The following MAPK14 variants were observed in gnomAD, a reference collection of about 807,000 sequenced individuals.
MAPK14 encodes CSAID-binding protein.
In MAPK14, 16 loss-of-function variants were observed where a neutral mutation model predicts 49.6. The ratio of observed to expected loss-of-function variants is 0.32; its 90% confidence interval spans 0.22 to 0.49. The LOEUF is 0.49. Among genes scored for constraint, MAPK14 ranks in the 20% least tolerant of loss-of-function variants. The pLI is 0.99. For synonymous variants in MAPK14, 142 were observed against 158.0 expected, an observed-to-expected ratio of 0.90 and a Z score of 0.76; for missense variants, 200 against 441.2, an observed-to-expected ratio of 0.45 and a Z score of 4.90.
At chr6:36,105,039 A>G (rs916307118) in intron 10 of MAPK14, among the ~76,000 whole-genome samples, 2 of 152,174 alleles carry the variant, frequency 1.3e-5, no homozygotes, top group African/African-American at 4.8e-5. Flanking sequence ...ATGTCATATA[A>G]TGAGGCTCCC....
At chr6:36,053,484 A>G (rs707994) in intron 2 of MAPK14, among the ~76,000 whole-genome samples, 135,050 of 152,028 alleles carry the variant, frequency 0.89, 60,142 homozygotes, top group East Asian at 1. Flanking sequence ...TTCTAATACG[A>G]TAAATAAGTG....
rs1562156456 is a variant in MAPK14 at position 36,107,006 on chromosome 6, CG to C, written c.842-447del. 2.6e-5 allele frequency among the ~76,000 whole-genome samples: 4 copies of C among 152,016 alleles called. No homozygotes were observed. On this transcript the variant is annotated intron_variant, in intron 10 of 11. Transcript: ENST00000229794. This position sits in a 1 kb window ranked among gnomAD's most constrained non-coding sequence, Gnocchi z 4.3. ...TACACTGGTAGCAGTTTGACATTGA[CG>C]GTCCACAAAAGCCTGTTCAAACAGA...
At chr6:36,050,807 G>C (rs1279949946) in intron 1 of MAPK14, among the ~76,000 whole-genome samples, 1 of 152,146 alleles carries the variant, frequency 6.6e-6, no homozygotes, top group African/African-American at 2.4e-5. Flanking sequence ...CTTTCTAATG[G>C]CAGGGCTATA....
intron 3 of MAPK14, among the ~76,000 whole-genome samples, chr6:36,068,970 G>T (rs1764167233): frequency 6.6e-6 from 1 of 152,178 alleles, no homozygotes; most frequent in Non-Finnish European, 1.5e-5. Flanking sequence ...AACAAGATTT[G>T]TATCAGTCCA....
intron 1 of MAPK14, among the ~76,000 whole-genome samples, chr6:36,032,739 T>G (rs985634245): frequency 5.9e-5 from 9 of 152,252 alleles, no homozygotes; most frequent in African/African-American, 2.2e-4. Flanking sequence ...TCCTGGAACT[T>G]ACAGCCTAGT....
Position 36,057,042 on chromosome 6 carries a change from C to A in MAPK14, c.247-2247C>A, listed in dbSNP as rs549893834. On this transcript the variant is annotated intron_variant, in intron 2 of 11. Coordinates refer to ENST00000229794, the MANE Select transcript of MAPK14 (RefSeq NM_139012.3). ...CTCTATTGGGAGGCATGTAAGTTGGCCTTACCTCTATGGAGGACCATTTGA... is the reference window on the plus strand; with the variant it reads ...CTCTATTGGGAGGCATGTAAGTTGGACTTACCTCTATGGAGGACCATTTGA... 3.3e-5 allele frequency among the ~76,000 whole-genome samples: 5 copies of A among 152,236 alleles called. No homozygotes were observed. In the South Asian group the frequency reaches 6.2e-4, roughly 19 times the overall value.
chr6:36,107,724 G>A lies in MAPK14; in HGVS notation c.1015+96G>A. 3 of 801,406 alleles carry A rather than the reference G, an allele frequency of 3.7e-6. No homozygotes were observed. The highest frequency in any genetic ancestry group is 5.6e-6 in the Non-Finnish European group (3 of 537,836). The allele number at this position is 801,406 out of a possible 1,614,324, so 49.6% of individuals were successfully genotyped here. The stretch of plus-strand genomic sequence containing the variant: ...GGTCATAACCAACTTGCTAAAGCTT[G>A]TAGATGAGGTCTCTAATGCAGAATG... On this transcript the variant is annotated intron_variant, in intron 11 of 11. Transcript: ENST00000229794. The surrounding 1 kb of genome is among the most constrained non-coding windows in gnomAD (Gnocchi z 4.3).
intron 3 of MAPK14, among the ~76,000 whole-genome samples, chr6:36,060,211 TG>T (rs1179652880): frequency 6.6e-6 from 1 of 152,144 alleles, no homozygotes; most frequent in Admixed American, 6.5e-5. Context: ...GCACCTCAGA[TG>T]GGGATCATTA....
Position 36,082,186 on chromosome 6 carries a change from C to G in MAPK14, c.682+5578C>G, listed in dbSNP as rs539313371. On this transcript the variant is annotated intron_variant, in intron 8 of 11. Coordinates refer to ENST00000229794, the MANE Select transcript of MAPK14 (RefSeq NM_139012.3). ...TCTGCAAACAGAGATAGTTTTATTTCTTCCTTTCCAATTTAGATGCTTTTA... is the reference window on the plus strand; with the variant it reads ...TCTGCAAACAGAGATAGTTTTATTTGTTCCTTTCCAATTTAGATGCTTTTA... 1.7e-3 allele frequency among the ~76,000 whole-genome samples: 264 copies of G among 152,280 alleles called. 6 individuals are homozygous for G. In the South Asian group the frequency reaches 0.034, roughly 19 times the overall value.
chr6:36,089,162 C>T (rs1765115367), intron 8 of MAPK14, among the ~76,000 whole-genome samples: 1 of 152,180 alleles, frequency 6.6e-6, no homozygotes, highest in African/African-American at 2.4e-5. Context: ...CCCAAATGCC[C>T]ATCAGTGATG....
intron 2 of MAPK14, among the ~76,000 whole-genome samples, chr6:36,054,427 G>C (rs890338042): frequency 6.6e-6 from 1 of 152,142 alleles, no homozygotes; most frequent in Non-Finnish European, 1.5e-5. Context: ...AATGTTTAGG[G>C]ATCATGGTAT....
chr6:36,114,907 C>T (rs1317475030), downstream of MAPK14, among the ~76,000 whole-genome samples: 2 of 152,136 alleles, frequency 1.3e-5, no homozygotes, highest in Non-Finnish European at 2.9e-5. Context: ...GGTGTGTTGT[C>T]GACACTCAAG....
the MAPK14 span, among the ~76,000 whole-genome samples, chr6:36,122,838 G>A: frequency 6.6e-6 from 1 of 152,168 alleles, no homozygotes; most frequent in Admixed American, 6.5e-5. Context: ...AGCTCCACCT[G>A]TAGCTACAAA....
chr6:36,055,810 AT>A (rs1471665348), intron 2 of MAPK14, among the ~76,000 whole-genome samples: 4 of 151,572 alleles, frequency 2.6e-5, no homozygotes, highest in African/African-American at 9.7e-5. Flanking sequence ...AAATGAATAG[AT>A]TCCTAAAATA....
At chr6:36,088,043 A>G (rs1176381400) in intron 8 of MAPK14, among the ~76,000 whole-genome samples, 1 of 152,250 alleles carries the variant, frequency 6.6e-6, no homozygotes, top group East Asian at 1.9e-4. Context: ...TCCCTATTTA[A>G]TAAATGGTGC....
chr6:36,046,033 C>T (rs896041558), intron 1 of MAPK14, among the ~76,000 whole-genome samples: 2 of 151,870 alleles, frequency 1.3e-5, no homozygotes, highest in African/African-American at 4.8e-5. Context: ...TCTAGTAACC[C>T]ACATTTTCTA....
intron 8 of MAPK14, among the ~76,000 whole-genome samples, chr6:36,082,956 G>A (rs559200942): frequency 7.6e-4 from 116 of 152,004 alleles, no homozygotes; most frequent in African/African-American, 2.7e-3. Context: ...CTTTTTCTTG[G>A]GTTTTGTAAT....
chr6:36,044,686 G>C (rs1335481549), intron 1 of MAPK14, among the ~76,000 whole-genome samples: 4 of 152,064 alleles, frequency 2.6e-5, no homozygotes, highest in Non-Finnish European at 5.9e-5. Context: ...ACCAGCCTGG[G>C]CAACAAGCAA....
Position 36,108,763 on chromosome 6 carries a change from T to A in MAPK14, c.*316T>A. 1 of 331,832 alleles carries A rather than the reference T, an allele frequency of 3.0e-6. No homozygotes were observed. The highest frequency in any genetic ancestry group is 5.7e-6 in the Non-Finnish European group (1 of 174,928). 20.6% of individuals were successfully genotyped at this position (331,832 alleles called of 1,614,324 possible). A position where few individuals can be genotyped will look rare whatever the true frequency, so the allele number is the denominator to read the frequency against. ...AAGAGCTGCTGTCCTTTTAGGAATA[T>A]GTTCAATGCAAAGTAAAAAAATATG... On this transcript the variant is annotated 3_prime_UTR_variant, in exon 12 of 12. Transcript: ENST00000229794.
Sources: allele counts gnomAD v4.1 joint callset (sites outside exome capture counted in the v4.1 genomes callset), GRCh38; gene constraint gnomAD v4.1.1; non-coding constraint Gnocchi (gnomAD v3.1); transcripts MANE v1.5; gene names NCBI Gene and HGNC (gene_info 2026-07-23, HGNC 2026-07-21).